Variants in RAB6B observed in about 807,000 individuals in gnomAD.
The protein encoded by RAB6B is ras-related protein Rab-6B.
A neutral mutation model predicts 31.2 loss-of-function variants in RAB6B; 7 were observed. The observed-to-expected ratio is 0.22, with a 90% CI of 0.13 to 0.42. The LOEUF (loss-of-function observed/expected upper bound fraction) is 0.42, where lower values mean the gene tolerates loss of function less well. Ranked by LOEUF, RAB6B falls within the 10% of genes least tolerant of loss-of-function variation. RAB6B has a pLI of 1.00. For synonymous variants in RAB6B, 105 were observed against 104.9 expected (o/e 1.00, Z -0.01); for missense variants, 149 against 280.6 (o/e 0.53, Z 3.35).
chr3:133,875,944 A>C (rs1204683873), intron 1 of RAB6B, among the ~76,000 whole-genome samples: 1 of 152,198 alleles, frequency 6.6e-6, no homozygotes, highest in Non-Finnish European at 1.5e-5. Flanking sequence ...GCATGCGACT[A>C]CTGTGCACAA....
At chr3:133,866,785 G>A (rs533019708) in intron 1 of RAB6B, among the ~76,000 whole-genome samples, 62 of 149,034 alleles carry the variant, frequency 4.2e-4, no homozygotes, top group African/African-American at 1.3e-3. Context: ...AGAGGCAGAT[G>A]CATTGGGGAA....
chr3:133,844,629 A>T (rs1436584946), intron 2 of RAB6B, among the ~76,000 whole-genome samples: 1 of 152,226 alleles, frequency 6.6e-6, no homozygotes, highest in African/African-American at 2.4e-5. Flanking sequence ...ATTTGCAAGC[A>T]CTGAAGAATG....
intron 5 of RAB6B, among the ~76,000 whole-genome samples, 196 bp from the exon 6 acceptor site, chr3:133,838,455 T>G (rs1935774606): frequency 6.6e-6 from 1 of 152,132 alleles, no homozygotes; most frequent in Non-Finnish European, 1.5e-5. Context: ...CAGGGAACAG[T>G]AGGACACTAT....
In RAB6B at chr3:133,841,388, C is replaced by T. The variant is rs756923639; in HGVS notation, c.186G>A (p.Val62=). The change falls in exon 4 of 8, where the codon GTG becomes GTA. Residue 62 remains valine (V), a splice_region_variant and synonymous_variant. Transcript: ENST00000285208. ...SKTMYLEDRT[V]RLQLWDTAGQ... is the part of the protein sequence containing the mutation. ...CAGCTGTGTCCCAGAGCTGCAGTCG[C>T]ACCTGTCTCAGGGAGGGCAGGACCA... 1.2e-6 allele frequency: 2 copies of T among 1,614,076 alleles called. No homozygotes were observed. The highest frequency in any genetic ancestry group is 1.1e-5 in the South Asian group (1 of 91,072).
rs887204946 is a variant in RAB6B at position 133,825,277 on chromosome 3, A to C, written c.*3511T>G. Reference sequence around the variant, plus strand: ...CCATCCCTTTATTGTCACAACTGGTATCCCAGGGCAGGGCCTCCCCGCACT... The same window carrying C: ...CCATCCCTTTATTGTCACAACTGGTCTCCCAGGGCAGGGCCTCCCCGCACT... On this transcript the variant is annotated 3_prime_UTR_variant, in exon 8 of 8. Transcript: ENST00000285208. 7 of 152,180 alleles carry C rather than the reference A, an allele frequency of 4.6e-5. No homozygotes were observed. The highest frequency in any genetic ancestry group is 1.0e-4 in the Non-Finnish European group (7 of 68,038). The allele number at this position is 152,180 out of a possible 1,614,324, so 9.4% of individuals were successfully genotyped here.
intron 7 of RAB6B, among the ~76,000 whole-genome samples, chr3:133,832,850 G>A (rs1352147815): frequency 6.6e-6 from 1 of 152,232 alleles, no homozygotes; most frequent in Non-Finnish European, 1.5e-5. Flanking sequence ...GGGGCCCAAA[G>A]GTCAGTGGTA....
intron 2 of RAB6B, among the ~76,000 whole-genome samples, chr3:133,857,426 GAAAAAAA>G (rs71136497): frequency 3.5e-4 from 42 of 119,832 alleles, no homozygotes; most frequent in African/African-American, 1.1e-3. Context: ...TTTTTGAAGG[GAAAAAAA>G]AAAAAAAAAA....
chr3:133,869,427 ACATGG>A (rs981606931), intron 1 of RAB6B, among the ~76,000 whole-genome samples: 60 of 152,378 alleles, frequency 3.9e-4, no homozygotes, highest in African/African-American at 1.4e-3. Flanking sequence ...GGCAGGGGCC[ACATGG>A]CACAGGCCAT....
At chr3:133,862,655 G>A (rs765325560) in intron 2 of RAB6B, among the ~76,000 whole-genome samples, 2 of 152,118 alleles carry the variant, frequency 1.3e-5, no homozygotes, top group African/African-American at 4.8e-5. Context: ...CAGGGAAGTC[G>A]GCTGGACCAC....
At chr3:133,890,897 T>C (rs896366370) in intron 1 of RAB6B, among the ~76,000 whole-genome samples, 2 of 152,174 alleles carry the variant, frequency 1.3e-5, no homozygotes, top group African/African-American at 4.8e-5. Context: ...GGGAAGCATA[T>C]GATTGTATTG....
At chr3:133,856,033 G>A (rs913423528) in intron 2 of RAB6B, among the ~76,000 whole-genome samples, 3 of 152,112 alleles carry the variant, frequency 2.0e-5, no homozygotes, top group Non-Finnish European at 2.9e-5. Flanking sequence ...CAGCCAGCAC[G>A]CACGAAGATG....
At chr3:133,841,548 C>A (rs1935830103) in intron 3 of RAB6B, 62 bp downstream of exon 3, 1 of 1,588,484 alleles carries the variant, frequency 6.3e-7, no homozygotes, top group East Asian at 2.2e-5. Context: ...AGCTAAGGGT[C>A]CTAGGGGATA....
intron 4 of RAB6B, among the ~76,000 whole-genome samples, chr3:133,839,987 T>C (rs1052594410): frequency 2.0e-5 from 3 of 149,948 alleles, no homozygotes; most frequent in Non-Finnish European, 4.5e-5. Context: ...TGTGTGTGCA[T>C]ACACACACAC....
intron 2 of RAB6B, among the ~76,000 whole-genome samples, chr3:133,842,024 A>G (rs1046416729): frequency 2.6e-5 from 4 of 152,158 alleles, no homozygotes; most frequent in Non-Finnish European, 5.9e-5. Flanking sequence ...TGTTCCCTTC[A>G]TGGCCTAACC....
chr3:133,848,418 T>C (rs1291574973), intron 2 of RAB6B, among the ~76,000 whole-genome samples: 6 of 152,262 alleles, frequency 3.9e-5, no homozygotes, highest in Non-Finnish European at 7.3e-5. Context: ...CTATCCCTCA[T>C]GCTTTCCACT....
intron 1 of RAB6B, among the ~76,000 whole-genome samples, chr3:133,891,873 T>C (rs1228232950): frequency 3.9e-5 from 6 of 152,222 alleles, no homozygotes; most frequent in African/African-American, 1.4e-4. Context: ...TGGCCTGCCG[T>C]CCTCAGCTAG....
chr3:133,828,648 CA>C lies in RAB6B; in HGVS notation c.*139del. The C allele has an allele frequency of 1.3e-6, 1 of 747,428 alleles. No individual in the cohort carries two copies. Among genetic ancestry groups the C allele is most frequent in the Non-Finnish European group, 2.3e-6 (1 of 426,902 alleles). The allele number at this position is 747,428 out of a possible 1,614,324, so 46.3% of individuals were successfully genotyped here. A position where few individuals can be genotyped will look rare whatever the true frequency, so the allele number is the denominator to read the frequency against. On this transcript the variant is annotated 3_prime_UTR_variant, in exon 8 of 8. Coordinates refer to ENST00000285208, the MANE Select transcript of RAB6B (RefSeq NM_016577.4). ...TGATGCCCAGCCTCCCTCCCCATCC[CA>C]CCCTACTCCTAAAGACAGAGAGAAA...
intron 5 of RAB6B, 99 bp from the exon 6 acceptor site, chr3:133,838,358 G>T: frequency 9.2e-7 from 1 of 1,090,604 alleles, no homozygotes; most frequent in Non-Finnish European, 1.4e-6. Flanking sequence ...GAGCCCACTG[G>T]GCCCTTGGTC....
At chr3:133,828,894 G>A in intron 7 of RAB6B, 42 bp from the exon 8 acceptor site, 1 of 1,528,394 alleles carries the variant, frequency 6.5e-7, no homozygotes, top group Non-Finnish European at 9.0e-7. Flanking sequence ...TCCTGGACAA[G>A]CTGCCACCCC....
Sources: gnomAD v4.1 joint callset for allele counts (sites outside exome capture counted in the v4.1 genomes callset) on GRCh38, gnomAD v4.1.1 for gene constraint, MANE v1.5 for transcripts, NCBI Gene and HGNC (gene_info 2026-07-23, HGNC 2026-07-21) for gene names.